CEP83: variants seen among roughly 807,000 people sequenced by gnomAD.
CEP83 encodes centrosomal protein of 83 kDa.
A neutral mutation model predicts 101.9 loss-of-function variants in CEP83; 70 were observed. The ratio of observed to expected loss-of-function variants is 0.69; its 90% CI spans 0.57 to 0.84. The LOEUF is 0.84. Among genes scored for constraint, CEP83 ranks in the 40% least tolerant of loss-of-function variants. The pLI is 0.00. For missense variants in CEP83, 715 were observed against 787.2 expected (o/e 0.91, Z 1.10); for synonymous variants, 264 against 267.9 (o/e 0.99, Z 0.14).
At chr12:94,341,035 G>C (rs2059662746) in intron 11 of CEP83, among the ~76,000 whole-genome samples, 1 of 152,204 alleles carries the variant, frequency 6.6e-6, no homozygotes, top group Non-Finnish European at 1.5e-5. Context: ...GAGTTGCGTT[G>C]CTGTCATAAC....
At chr12:94,357,253 T>C (rs2136877756) in intron 11 of CEP83, among the ~76,000 whole-genome samples, 1 of 152,284 alleles carries the variant, frequency 6.6e-6, no homozygotes, top group South Asian at 2.1e-4. Context: ...TGCATAAAGC[T>C]ACCTTGTTGG....
At chr12:94,351,793 G>T (rs1347029738) in intron 11 of CEP83, among the ~76,000 whole-genome samples, 2 of 152,132 alleles carry the variant, frequency 1.3e-5, no homozygotes, top group Admixed American at 6.5e-5. Context: ...CCCACAACTG[G>T]CAAAGCCACC....
chr12:94,349,568 C>T (rs2136745943), intron 11 of CEP83, among the ~76,000 whole-genome samples: 1 of 152,248 alleles, frequency 6.6e-6, no homozygotes, highest in South Asian at 2.1e-4. Flanking sequence ...CAAAATTCAA[C>T]ACCCTTTCAT....
intron 13 of CEP83, among the ~76,000 whole-genome samples, chr12:94,332,348 T>C (rs1037919432): frequency 6.6e-6 from 1 of 152,218 alleles, no homozygotes; most frequent in Admixed American, 6.5e-5. Context: ...TTTTTAAAGC[T>C]ATTCTGCATA....
chr12:94,424,347 C>G (rs1255559559), intron 2 of CEP83: 1 of 1,613,942 alleles, frequency 6.2e-7, no homozygotes, highest in Non-Finnish European at 8.5e-7. Flanking sequence ...TCGGATGGGG[C>G]TGGTACTCCA....
intron 1 of CEP83, among the ~76,000 whole-genome samples, chr12:94,449,788 A>AT (rs2067109323): frequency 7.8e-6 from 1 of 127,624 alleles, no homozygotes; most frequent in East Asian, 2.3e-4. Context: ...ATAAAAAAAA[A>AT]AAAAAAAAAA....
At chr12:94,419,169 T>C (rs1236401150) in intron 2 of CEP83, among the ~76,000 whole-genome samples, 2 of 152,044 alleles carry the variant, frequency 1.3e-5, no homozygotes, top group African/African-American at 4.8e-5. Context: ...GATAGAGCAA[T>C]ATACAAAAAT....
chr12:94,401,744 G>A (rs2063269951), intron 5 of CEP83, among the ~76,000 whole-genome samples: 1 of 152,028 alleles, frequency 6.6e-6, no homozygotes. Context: ...TTATTTTACT[G>A]CAGATATACT....
At chr12:94,302,792 A>G (rs1170488940), downstream of CEP83, among the ~76,000 whole-genome samples, 1 of 152,126 alleles carries the variant, frequency 6.6e-6, no homozygotes, top group Non-Finnish European at 1.5e-5. Context: ...CACTTCATAA[A>G]TCTGTCTTTG....
intron 1 of CEP83, among the ~76,000 whole-genome samples, chr12:94,439,622 A>C (rs2066249932): frequency 6.6e-6 from 1 of 152,124 alleles, no homozygotes; most frequent in Non-Finnish European, 1.5e-5. Context: ...TCAAAGAAGA[A>C]TTGGTATGAA....
At chr12:94,305,100 C>T, downstream of CEP83, 1 of 790,104 alleles carries the variant, frequency 1.3e-6, no homozygotes, top group Non-Finnish European at 2.1e-6. Flanking sequence ...GATTTTACCA[C>T]TCACAGCATC....
chr12:94,425,036 GGGGA>G (rs376467385), intron 2 of CEP83: 25 of 1,041,020 alleles, frequency 2.4e-5, no homozygotes, highest in Middle Eastern at 6.5e-4. Context: ...TAAGAAAGAC[GGGGA>G]GGGAGGGAGG....
chr12:94,352,294 C>T (rs2060234497), intron 11 of CEP83, among the ~76,000 whole-genome samples: 1 of 151,950 alleles, frequency 6.6e-6, no homozygotes, highest in Non-Finnish European at 1.5e-5. Flanking sequence ...GTGGTGGGTG[C>T]CTGCAATCCC....
chr12:94,278,164 A>G, the CEP83 span: 18 of 391,688 alleles, frequency 4.6e-5, 1 homozygote, highest in Middle Eastern at 3.6e-3. Context: ...ACAAAACAAA[A>G]TTCCCATTAC....
chr12:94,371,340 A>G (rs1352366115), intron 8 of CEP83, among the ~76,000 whole-genome samples: 1 of 152,224 alleles, frequency 6.6e-6, no homozygotes, highest in Non-Finnish European at 1.5e-5. Context: ...GAATCTGGTG[A>G]CAAAATAGTG....
At chr12:94,301,593 C>G (rs1025590296), downstream of CEP83, among the ~76,000 whole-genome samples, 67 of 152,088 alleles carry the variant, frequency 4.4e-4, no homozygotes, top group African/African-American at 1.5e-3. Context: ...GAGCAAACTT[C>G]GAAAGAGATG....
intron 11 of CEP83, among the ~76,000 whole-genome samples, chr12:94,341,585 T>C (rs896505417): frequency 6.6e-6 from 1 of 151,150 alleles, no homozygotes; most frequent in Non-Finnish European, 1.5e-5. Context: ...GTGAATTTAA[T>C]CCTGCTAGAT....
chr12:94,402,558 G>A (rs2063316986), intron 5 of CEP83, among the ~76,000 whole-genome samples: 1 of 152,124 alleles, frequency 6.6e-6, no homozygotes, highest in South Asian at 2.1e-4. Context: ...TACAAGAGAT[G>A]AAGTTTGCCA....
intron 1 of CEP83, among the ~76,000 whole-genome samples, chr12:94,451,017 T>C (rs748498343): frequency 6.6e-5 from 10 of 152,222 alleles, no homozygotes; most frequent in Non-Finnish European, 1.2e-4. Flanking sequence ...TGGAATAAAT[T>C]CTTACATTAT....
Sources: allele counts gnomAD v4.1 joint callset (sites outside exome capture counted in the v4.1 genomes callset), GRCh38; gene constraint gnomAD v4.1.1; transcripts MANE v1.5; gene names NCBI Gene and HGNC (gene_info 2026-07-23, HGNC 2026-07-21).